The following NKAIN3 variants were observed in gnomAD, a reference collection of about 807,000 sequenced individuals.
NKAIN3 encodes sodium/potassium-transporting ATPase subunit beta-1-interacting protein 3.
NKAIN3 carries 25 observed loss-of-function variants against 30.2 expected under a neutral mutation model. The observed-to-expected ratio is 0.83, with a 90% CI of 0.60 to 1.16. NKAIN3 has a LOEUF of 1.16. Among genes scored for constraint, NKAIN3 ranks in the 50% most tolerant of loss-of-function variants. The pLI is 0.00. For missense variants in NKAIN3, 225 were observed against 254.1 expected (o/e 0.89, Z 0.78); for synonymous variants, 91 against 89.6 (o/e 1.02, Z -0.09).
intron 1 of NKAIN3, among the ~76,000 whole-genome samples, chr8:62,351,795 T>A (rs1029984278): frequency 6.6e-6 from 1 of 152,210 alleles, no homozygotes; most frequent in Admixed American, 6.5e-5. Context: ...CTGAACATAA[T>A]GAAAATTACC....
intron 1 of NKAIN3, among the ~76,000 whole-genome samples, chr8:62,503,610 G>T (rs1188384130): frequency 6.6e-6 from 1 of 151,998 alleles, no homozygotes; most frequent in Non-Finnish European, 1.5e-5. Context: ...GACACTCCCA[G>T]AGCAGCCGTC....
At chr8:62,520,488 T>C (rs1490762059) in intron 1 of NKAIN3, among the ~76,000 whole-genome samples, 1 of 152,186 alleles carries the variant, frequency 6.6e-6, no homozygotes, top group Non-Finnish European at 1.5e-5. Flanking sequence ...TCATGTTAAG[T>C]GTTTGAAATC....
intron 3 of NKAIN3, among the ~76,000 whole-genome samples, chr8:62,624,075 G>A (rs1024699430): frequency 6.6e-6 from 1 of 152,022 alleles, no homozygotes; most frequent in South Asian, 2.1e-4. Flanking sequence ...GTGCTGGTAG[G>A]AGTATCCTTT....
At chr8:62,493,428 C>A (rs1002424026) in intron 1 of NKAIN3, among the ~76,000 whole-genome samples, 1 of 151,942 alleles carries the variant, frequency 6.6e-6, no homozygotes. Flanking sequence ...TTACTATAGC[C>A]CTGTAATATA....
chr8:62,858,337 T>C (rs1820127271), intron 4 of NKAIN3, among the ~76,000 whole-genome samples: 1 of 152,100 alleles, frequency 6.6e-6, no homozygotes, highest in Non-Finnish European at 1.5e-5. Flanking sequence ...AGAAAAGTGA[T>C]CTAGTACCTG....
At chr8:62,757,750 G>A (rs1816502725) in intron 4 of NKAIN3, among the ~76,000 whole-genome samples, 2 of 152,194 alleles carry the variant, frequency 1.3e-5, no homozygotes, top group Admixed American at 6.5e-5. Context: ...GGAATAATGA[G>A]TGCAGTGCCC....
rs529671604 is a variant in NKAIN3 at position 62,370,325 on chromosome 8, C to T, written c.54+121198C>T. Among the ~76,000 whole-genome samples the T allele has an allele frequency of 3.2e-4, 49 of 152,116 alleles. No individual in the cohort carries two copies. In the South Asian group the frequency reaches 6.0e-3, roughly 19 times the overall value. ...TGTTAGTAGTTCAAGGATGCTTGGA[C>T]AGTTTGTTTTTCTTATATGATTCAG... On this transcript the variant is annotated intron_variant, in intron 1 of 6. Coordinates refer to ENST00000623646, the MANE Select transcript of NKAIN3 (RefSeq NM_001304533.3).
intron 1 of NKAIN3, among the ~76,000 whole-genome samples, chr8:62,481,528 G>T (rs980501705): frequency 1.3e-5 from 2 of 152,238 alleles, no homozygotes; most frequent in African/African-American, 4.8e-5. Flanking sequence ...CTGGGCCTGG[G>T]TCTTGCTCAT....
chr8:62,270,216 A>G (rs1008732916), intron 1 of NKAIN3, among the ~76,000 whole-genome samples: 1 of 152,024 alleles, frequency 6.6e-6, no homozygotes, highest in Non-Finnish European at 1.5e-5. Context: ...AGTAGCTGGT[A>G]TCACAGTCAT....
At chr8:62,959,433 G>GGTGTGTGTGTGGGGGT (rs71559385) in intron 6 of NKAIN3, among the ~76,000 whole-genome samples, 3 of 143,154 alleles carry the variant, frequency 2.1e-5, no homozygotes, top group African/African-American at 7.9e-5. Flanking sequence ...GACAAATCAG[G>GGTGTGTGTGTGGGGGT]GTGTGTGTGT....
intron 1 of NKAIN3, among the ~76,000 whole-genome samples, chr8:62,549,459 T>C (rs1809121371): frequency 6.6e-6 from 1 of 152,160 alleles, no homozygotes; most frequent in Admixed American, 6.6e-5. Flanking sequence ...ATCTTTCTGC[T>C]TAAAACTGAA....
At chr8:62,811,964 T>G (rs536741117) in intron 4 of NKAIN3, among the ~76,000 whole-genome samples, 1 of 151,926 alleles carries the variant, frequency 6.6e-6, no homozygotes, top group Non-Finnish European at 1.5e-5. Flanking sequence ...TCCCTAAAGC[T>G]TTTATAGTTT....
At chr8:62,906,236 A>T (rs1366470510) in intron 4 of NKAIN3, among the ~76,000 whole-genome samples, 1 of 152,224 alleles carries the variant, frequency 6.6e-6, no homozygotes. Context: ...GTTAATTTAT[A>T]AGTAGGGTAA....
At chr8:62,914,655 G>T (rs1187124753) in intron 4 of NKAIN3, among the ~76,000 whole-genome samples, 3 of 152,002 alleles carry the variant, frequency 2.0e-5, no homozygotes, top group Admixed American at 1.3e-4. Context: ...GGATTGCTAT[G>T]AACTGTGACT....
At chr8:62,441,352 A>G (rs1183805776) in intron 1 of NKAIN3, among the ~76,000 whole-genome samples, 1 of 152,048 alleles carries the variant, frequency 6.6e-6, no homozygotes, top group Non-Finnish European at 1.5e-5. Context: ...AAGAATTAAC[A>G]TCTTTACAAT....
chr8:62,658,445 G>A (rs549908741), intron 3 of NKAIN3, among the ~76,000 whole-genome samples: 1 of 152,274 alleles, frequency 6.6e-6, no homozygotes, highest in South Asian at 2.1e-4. Context: ...GGGGAACTGA[G>A]GCAGTGGGTG....
At chr8:62,383,829 A>G (rs1239603551) in intron 1 of NKAIN3, among the ~76,000 whole-genome samples, 1 of 152,030 alleles carries the variant, frequency 6.6e-6, no homozygotes, top group East Asian at 1.9e-4. Flanking sequence ...TGCAAAAAGC[A>G]CAAGGTTTTT....
At chr8:62,504,916 T>C (rs1300812350) in intron 1 of NKAIN3, among the ~76,000 whole-genome samples, 1 of 152,194 alleles carries the variant, frequency 6.6e-6, no homozygotes, top group African/African-American at 2.4e-5. Context: ...TTTTGAATGC[T>C]CTTCTTCCCT....
intron 1 of NKAIN3, among the ~76,000 whole-genome samples, chr8:62,407,628 T>C (rs1299309470): frequency 6.6e-6 from 1 of 152,222 alleles, no homozygotes; most frequent in African/African-American, 2.4e-5. Flanking sequence ...AGTTGGGGTT[T>C]CACCGTGTGA....
Sources: gnomAD v4.1 joint callset for allele counts (sites outside exome capture counted in the v4.1 genomes callset) on GRCh38, gnomAD v4.1.1 for gene constraint, MANE v1.5 for transcripts, NCBI Gene and HGNC (gene_info 2026-07-23, HGNC 2026-07-21) for gene names.